ADAM20: variants seen among roughly 807,000 people sequenced by gnomAD.
The protein encoded by ADAM20 is disintegrin and metalloproteinase domain-containing protein 20.
For missense variants in ADAM20, 871 were observed against 883.2 expected (o/e 0.99, Z 0.18); for synonymous variants, 305 against 310.2 (o/e 0.98, Z 0.18).
chr14:70,527,799 C>T (rs772917818), intron 1 of ADAM20, among the ~76,000 whole-genome samples: 8 of 152,146 alleles, frequency 5.3e-5, no homozygotes, highest in Non-Finnish European at 7.4e-5. Context: ...CTATCCCTCC[C>T]CTACATGCAA....
the ADAM20 span, among the ~76,000 whole-genome samples, chr14:70,545,236 C>A: frequency 6.6e-6 from 1 of 152,166 alleles, no homozygotes. Context: ...CACAGTGCCC[C>A]GTTTTGACTT....
Position 70,523,434 on chromosome 14 carries a change from G to A in ADAM20, c.1324C>T (p.His442Tyr), listed in dbSNP as rs769991681. 3.1e-6 allele frequency: 5 copies of A among 1,613,940 alleles called. No homozygotes were observed. In the South Asian group the frequency reaches 5.5e-5, roughly 18 times the overall value. The change falls in exon 2 of 2, where the codon CAT becomes TAT. Residue 442 changes from histidine to tyrosine, a missense_variant. His to Tyr is a moderately conservative substitution (Grantham distance 83, BLOSUM62 2). Coordinates refer to ENST00000256389, the MANE Select transcript of ADAM20 (RefSeq NM_003814.5). ...CCAAAAGCACAAGCAGCCCCAGGAT[G>A]TAGAGTACAGTTTAACAGACAACAG... ...DPCCLLNCTL[H>Y]PGAACAFGIC...
chr14:70,527,028 T>C (rs914172644), intron 1 of ADAM20, among the ~76,000 whole-genome samples: 2 of 152,198 alleles, frequency 1.3e-5, no homozygotes, highest in Non-Finnish European at 2.9e-5. Flanking sequence ...CCAGAGTTTA[T>C]ATTTAATTTT....
At chr14:70,575,067 T>C in the ADAM20 span, among the ~76,000 whole-genome samples, 2 of 151,936 alleles carry the variant, frequency 1.3e-5, no homozygotes, top group Admixed American at 1.3e-4. Context: ...TGTTTTTCAA[T>C]TGGTATAAAT....
chr14:70,563,697 G>GT, the ADAM20 span, among the ~76,000 whole-genome samples: 16,580 of 152,106 alleles, frequency 0.11, 1,351 homozygotes, highest in East Asian at 0.49. Context: ...CTGCTGTAAA[G>GT]TGTGGCACCT....
At chr14:70,553,170 G>T in the ADAM20 span, among the ~76,000 whole-genome samples, 1 of 54,902 alleles carries the variant, frequency 1.8e-5, no homozygotes, top group Non-Finnish European at 3.5e-5. Context: ...GGGGTCGGGG[G>T]AGGGGGGAGG....
chr14:70,565,488 C>T, the ADAM20 span, among the ~76,000 whole-genome samples: 1 of 152,042 alleles, frequency 6.6e-6, no homozygotes, highest in Non-Finnish European at 1.5e-5. Flanking sequence ...AAATCAAAGA[C>T]AACTACAGAA....
At chr14:70,541,713 T>C in the ADAM20 span, among the ~76,000 whole-genome samples, 2 of 152,252 alleles carry the variant, frequency 1.3e-5, no homozygotes, top group African/African-American at 4.8e-5. Flanking sequence ...TTCTTTGGAC[T>C]ATATTTGTAT....
At chr14:70,530,298 T>C (rs1883684073) in intron 1 of ADAM20, among the ~76,000 whole-genome samples, 1 of 152,232 alleles carries the variant, frequency 6.6e-6, no homozygotes, top group Non-Finnish European at 1.5e-5. Flanking sequence ...CTTGTCCCAT[T>C]GGAAGGGGCA....
At chr14:70,532,865 T>C (rs1039983099) in intron 1 of ADAM20, among the ~76,000 whole-genome samples, 2 of 152,194 alleles carry the variant, frequency 1.3e-5, no homozygotes, top group African/African-American at 4.8e-5. Context: ...GCAAATGACC[T>C]GAATAGGCAT....
At chr14:70,525,152 G>C (rs935837746) in intron 1 of ADAM20, among the ~76,000 whole-genome samples, 1 of 152,040 alleles carries the variant, frequency 6.6e-6, no homozygotes, top group Non-Finnish European at 1.5e-5. Context: ...ATTATATACT[G>C]TTCTTAAAAT....
chr14:70,545,915 T>A, the ADAM20 span, among the ~76,000 whole-genome samples: 9 of 152,190 alleles, frequency 5.9e-5, no homozygotes, highest in Non-Finnish European at 1.5e-5. Flanking sequence ...GAATATACCT[T>A]CTTTGCCTCA....
Position 70,523,017 on chromosome 14 carries a change from C to CTGTA in ADAM20, c.1737_1740dup (p.Val581TyrfsTer9). 6.2e-7 allele frequency: 1 copy of CTGTA among 1,614,046 alleles called. No homozygotes were observed. The highest frequency in any genetic ancestry group is 1.1e-5 in the South Asian group (1 of 91,084). On this transcript the variant is annotated frameshift_variant, in exon 2 of 2. Coordinates refer to ENST00000256389, the MANE Select transcript of ADAM20 (RefSeq NM_003814.5). LOFTEE classifies it low-confidence loss of function (END_TRUNC). Reference sequence around the variant, plus strand: ...GTGTCATTGAGGTGAAACTGCTGCACTGTAGAATGCTCTATCAGATTGGGA... The same window carrying CTGTA: ...GTGTCATTGAGGTGAAACTGCTGCACTGTATGTAGAATGCTCTATCAGATTGGGA...
At chr14:70,559,634 T>C in the ADAM20 span, among the ~76,000 whole-genome samples, 2 of 152,228 alleles carry the variant, frequency 1.3e-5, no homozygotes, top group African/African-American at 2.4e-5. Flanking sequence ...GTACCCAATA[T>C]ACCTCCTGCC....
upstream of ADAM20, among the ~76,000 whole-genome samples, chr14:70,535,639 C>T (rs1350572421): frequency 1.3e-5 from 2 of 152,130 alleles, no homozygotes; most frequent in Non-Finnish European, 2.9e-5. Context: ...ATACTCCTAC[C>T]ACCCCTTATT....
intron 1 of ADAM20, among the ~76,000 whole-genome samples, chr14:70,532,154 T>A (rs1304571671): frequency 6.6e-6 from 1 of 151,822 alleles, no homozygotes; most frequent in Non-Finnish European, 1.5e-5. Flanking sequence ...ACAGACAGAA[T>A]ACAGAGCCCA....
chr14:70,555,418 T>TA, the ADAM20 span, among the ~76,000 whole-genome samples: 6 of 152,296 alleles, frequency 3.9e-5, no homozygotes, highest in East Asian at 1.9e-4. Flanking sequence ...GTCAATTTTT[T>TA]AAAAAAAGGT....
chr14:70,526,397 T>C (rs1240854333), intron 1 of ADAM20, among the ~76,000 whole-genome samples: 1 of 152,122 alleles, frequency 6.6e-6, no homozygotes, highest in African/African-American at 2.4e-5. Context: ...TCAGGATCAC[T>C]AGATGAGACC....
chr14:70,529,181 T>G (rs1402348758), intron 1 of ADAM20, among the ~76,000 whole-genome samples: 1 of 152,152 alleles, frequency 6.6e-6, no homozygotes, highest in Non-Finnish European at 1.5e-5. Flanking sequence ...ATAGACCATA[T>G]GGACCTAACA....
Sources: gnomAD v4.1 joint callset for allele counts (sites outside exome capture counted in the v4.1 genomes callset) on GRCh38, gnomAD v4.1.1 for gene constraint, MANE v1.5 for transcripts, NCBI Gene and HGNC (gene_info 2026-07-23, HGNC 2026-07-21) for gene names.